NBEA: variants seen among roughly 807,000 people sequenced by gnomAD.
NBEA encodes lysosomal-trafficking regulator 2.
A neutral mutation model predicts 343.4 loss-of-function variants in NBEA; 44 were observed. The observed-to-expected ratio is 0.13, with a 90% confidence interval of 0.10 to 0.16. The LOEUF is 0.16. NBEA is among the 10% of genes least tolerant of loss of function. NBEA has a pLI of 1.00. For synonymous variants in NBEA, 1,175 were observed against 1,238.7 expected (o/e 0.95, Z 1.08); for missense variants, 2,555 against 3,631.3 (o/e 0.70, Z 7.62).
intron 38 of NBEA, among the ~76,000 whole-genome samples, chr13:35,354,622 T>G (rs2040392037): frequency 6.6e-6 from 1 of 152,138 alleles, no homozygotes; most frequent in African/African-American, 2.4e-5. Flanking sequence ...ACCACAATAT[T>G]TTTATGATCA....
At chr13:35,468,467 A>G (rs889337297) in intron 40 of NBEA, among the ~76,000 whole-genome samples, 1 of 152,220 alleles carries the variant, frequency 6.6e-6, no homozygotes, top group African/African-American at 2.4e-5. Flanking sequence ...TTTAGCATAC[A>G]TACATTTAGT....
At chr13:35,390,270 C>T (rs2042437929) in intron 38 of NBEA, among the ~76,000 whole-genome samples, 1 of 152,014 alleles carries the variant, frequency 6.6e-6, no homozygotes, top group Non-Finnish European at 1.5e-5. Flanking sequence ...AGTTGACACT[C>T]AGGGTAGATA....
At chr13:35,057,779 G>GT (rs2063323993) in intron 7 of NBEA, among the ~76,000 whole-genome samples, 1 of 152,000 alleles carries the variant, frequency 6.6e-6, no homozygotes, top group Non-Finnish European at 1.5e-5. Flanking sequence ...TTGGTTATTT[G>GT]TAATAGTGCC....
At chr13:35,411,988 C>T (rs765145745) in intron 38 of NBEA, among the ~76,000 whole-genome samples, 13 of 151,960 alleles carry the variant, frequency 8.6e-5, no homozygotes, top group Admixed American at 3.3e-4. Context: ...CAGCACTTAA[C>T]GTTGCTCTGA....
At chr13:35,476,144 G>A (rs1390912310) in intron 41 of NBEA, 2 of 1,613,920 alleles carry the variant, frequency 1.2e-6, no homozygotes, top group Non-Finnish European at 1.7e-6. Context: ...ATCATGTTGG[G>A]GCAGAGATCC....
At chr13:35,476,754 C>A in intron 41 of NBEA, 1 of 1,055,806 alleles carries the variant, frequency 9.5e-7, no homozygotes. Context: ...CGGCCAATCG[C>A]CACTGGGCTC....
At chr13:34,950,426 C>A (rs2059314214) in intron 1 of NBEA, among the ~76,000 whole-genome samples, 1 of 152,010 alleles carries the variant, frequency 6.6e-6, no homozygotes, top group Non-Finnish European at 1.5e-5. Context: ...TTCAGTGCAT[C>A]ATTTTGCCTT....
chr13:35,478,202 T>C (rs2075964844), intron 41 of NBEA, among the ~76,000 whole-genome samples: 1 of 152,234 alleles, frequency 6.6e-6, no homozygotes, highest in Admixed American at 6.5e-5. Flanking sequence ...CCACCTATTA[T>C]TTAATTTCTC....
At chr13:35,443,644 G>T (rs2045854470) in intron 39 of NBEA, among the ~76,000 whole-genome samples, 1 of 151,832 alleles carries the variant, frequency 6.6e-6, no homozygotes, top group Non-Finnish European at 1.5e-5. Context: ...ACAACAAATA[G>T]AAAGTCTATT....
Position 35,183,974 on chromosome 13 carries a change from A to G in NBEA, c.4832-2A>G. The G allele has an allele frequency of 6.2e-7, 1 of 1,605,918 alleles. No homozygotes were observed. Among genetic ancestry groups the G allele is most frequent in the East Asian group, 2.2e-5 (1 of 44,532 alleles). On this transcript the variant is annotated splice_acceptor_variant, in intron 29 of 58. Coordinates refer to ENST00000379939, the MANE Select transcript of NBEA (RefSeq NM_001385012.1). LOFTEE classifies it high-confidence loss of function. Reference sequence around the variant, plus strand: ...AATTTGATTCCATGATTTTCTCCACAGTTGTGGTCATACCATCTATCCCTC... The same window carrying G: ...AATTTGATTCCATGATTTTCTCCACGGTTGTGGTCATACCATCTATCCCTC...
At chr13:35,088,334 AT>A (rs1272393080) in intron 10 of NBEA, among the ~76,000 whole-genome samples, 1 of 151,936 alleles carries the variant, frequency 6.6e-6, no homozygotes, top group East Asian at 1.9e-4. Flanking sequence ...GACAGACGTT[AT>A]TTAGGAAACT....
intron 38 of NBEA, among the ~76,000 whole-genome samples, chr13:35,397,032 T>G (rs1457253736): frequency 1.3e-5 from 2 of 152,140 alleles, no homozygotes; most frequent in Non-Finnish European, 2.9e-5. Context: ...AGCTTCCACT[T>G]TAACACTACC....
chr13:35,100,910 A>G (rs2065613806), intron 11 of NBEA, among the ~76,000 whole-genome samples: 1 of 151,898 alleles, frequency 6.6e-6, no homozygotes, highest in Non-Finnish European at 1.5e-5. Flanking sequence ...TTTTGGCTTT[A>G]TGAATTGCTT....
intron 16 of NBEA, among the ~76,000 whole-genome samples, chr13:35,121,741 GTA>G (rs2066813410): frequency 6.6e-6 from 1 of 151,952 alleles, no homozygotes; most frequent in Non-Finnish European, 1.5e-5. Flanking sequence ...TTTTTTAATA[GTA>G]TAAGCTCTTG....
chr13:35,583,690 T>C (rs560512333), intron 45 of NBEA, among the ~76,000 whole-genome samples: 2 of 152,314 alleles, frequency 1.3e-5, no homozygotes, highest in East Asian at 3.9e-4. Context: ...CTTTGTACTA[T>C]GAATTATCCT....
At chr13:35,416,294 C>T (rs192626576) in intron 38 of NBEA, among the ~76,000 whole-genome samples, 21 of 152,198 alleles carry the variant, frequency 1.4e-4, no homozygotes, top group Admixed American at 5.9e-4. Flanking sequence ...GGTGAGAGAG[C>T]GCATCCCTGT....
chr13:35,403,348 T>G (rs2043089255), intron 38 of NBEA, among the ~76,000 whole-genome samples: 1 of 152,078 alleles, frequency 6.6e-6, no homozygotes, highest in South Asian at 2.1e-4. Context: ...AATATCCCGA[T>G]CTCTTGTTGC....
chr13:34,966,416 T>C (rs569958528), intron 1 of NBEA, among the ~76,000 whole-genome samples: 254 of 152,202 alleles, frequency 1.7e-3, no homozygotes, highest in African/African-American at 6.0e-3. Context: ...TTAGGTCTTT[T>C]ATAACTGTAA....
chr13:35,557,224 T>A (rs1220500706), intron 44 of NBEA, among the ~76,000 whole-genome samples: 3 of 152,168 alleles, frequency 2.0e-5, no homozygotes, highest in Admixed American at 6.6e-5. Flanking sequence ...AAAGGTCTCT[T>A]CTAGTCTCCA....
Sources: allele counts gnomAD v4.1 joint callset (sites outside exome capture counted in the v4.1 genomes callset), GRCh38; gene constraint gnomAD v4.1.1; transcripts MANE v1.5; gene names NCBI Gene and HGNC (gene_info 2026-07-23, HGNC 2026-07-21).